The following VCPKMT variants were observed in gnomAD, a reference collection of about 807,000 sequenced individuals.
The protein encoded by VCPKMT is protein N-lysine methyltransferase METTL21D.
Under a neutral mutation model 28.6 loss-of-function variants are expected in VCPKMT, and 32 were observed. The observed-to-expected ratio is 1.12, with a 90% CI of 0.84 to 1.50. The LOEUF is 1.50. Ranked by LOEUF, VCPKMT falls within the 40% of genes most tolerant of loss-of-function variation. VCPKMT has a pLI of 0.00. For missense variants in VCPKMT, 366 were observed against 285.0 expected (o/e 1.28, Z -2.05); for synonymous variants, 138 against 111.4 (o/e 1.24, Z -1.50).
Position 50,116,059 on chromosome 14 carries a change from C to A in VCPKMT, c.377+10G>T. On this transcript the variant is annotated intron_variant, in intron 2 of 5. Transcript: ENST00000395860. The stretch of plus-strand genomic sequence containing the variant: ...CAATATCTTAAAACAAGCTGAAAGG[C>A]CATACAAACCATTTCAGTACCTTGG... 1 of 1,601,808 alleles carries A rather than the reference C, an allele frequency of 6.2e-7. No homozygotes were observed. The highest frequency in any genetic ancestry group is 8.5e-7 in the Non-Finnish European group (1 of 1,171,866).
At position 50,115,895 on chromosome 14, in the gene VCPKMT, C is replaced by A; in HGVS notation, c.394G>T (p.Gly132Cys). The change falls in exon 3 of 6, where the codon GGC (glycine) becomes TGC (cysteine). Residue 132 changes from glycine to cysteine, a missense_variant. Coordinates refer to ENST00000395860, the MANE Select transcript of VCPKMT (RefSeq NM_024558.3). The part of the protein sequence containing the change: ...KVLKWGEEIE[G>C]FPSPPDFILM... ...ATGAAGTCGGGTGGAGAAGGAAAGC[C>A]TTCTATTTCTTCCCCCCTTAAAAAT... 6.2e-7 allele frequency: 1 copy of A among 1,613,314 alleles called. No individual in the cohort carries two copies. The highest frequency in any genetic ancestry group is 1.6e-4 in the Middle Eastern group (1 of 6,062).
Position 50,116,194 on chromosome 14 carries a change from C to T in VCPKMT, c.267-15G>A, listed in dbSNP as rs186877557. 3.1e-6 allele frequency: 5 copies of T among 1,613,756 alleles called. No homozygotes were observed. The highest frequency in any genetic ancestry group is 4.2e-6 in the Non-Finnish European group (5 of 1,179,954). On this transcript the variant is annotated splice_polypyrimidine_tract_variant and intron_variant, in intron 1 of 5. Transcript: ENST00000395860. ...CAACATCAGCCCTATAAAATAACGT[C>T]GACTGAGGTGTAGGCACAGGGGGGA...
Position 50,108,672 on chromosome 14 carries a change from T to C in VCPKMT, c.*1027A>G, listed in dbSNP as rs1274167484. Reference sequence around the variant, plus strand: ...AATGTTTATTTTAACACATAAAATGTACCATCTAGCACCAATGCCTATAAA... The same window carrying C: ...AATGTTTATTTTAACACATAAAATGCACCATCTAGCACCAATGCCTATAAA... On this transcript the variant is annotated 3_prime_UTR_variant, in exon 6 of 6. Transcript: ENST00000395860. The C allele has an allele frequency of 1.0e-6, 1 of 985,770 alleles. No homozygotes were observed. Among genetic ancestry groups the C allele is most frequent in the Non-Finnish European group, 1.2e-6 (1 of 829,952 alleles). 61.1% of individuals were successfully genotyped at this position (985,770 alleles called of 1,614,324 possible). A position where few individuals can be genotyped will look rare whatever the true frequency, so the allele number is the denominator to read the frequency against.
chr14:50,110,674 T>C (rs1372079560), intron 5 of VCPKMT, among the ~76,000 whole-genome samples: 1 of 152,234 alleles, frequency 6.6e-6, no homozygotes, highest in Non-Finnish European at 1.5e-5. Context: ...CCATATAACC[T>C]TGCAGTTCTC....
chr14:50,116,101 G>T lies in VCPKMT; in HGVS notation c.345C>A (p.Val115=). ...KMNINMNKHL[V]TGSVQAKVLK... ...GTACCTTGGCTTGAACAGAACCAGT[G>T]ACAAGATGCTTGTTCATATTAATAT... Residue 115 remains valine (V), a synonymous_variant, in exon 2 of 6, where the codon GTC becomes GTA. Transcript: ENST00000395860. 1.2e-6 allele frequency: 2 copies of T among 1,613,734 alleles called. No homozygotes were observed. Among genetic ancestry groups the T allele is most frequent in the South Asian group, 1.1e-5 (1 of 90,990 alleles).
intron 5 of VCPKMT, 80 bp from the exon 6 acceptor site, chr14:50,109,793 C>T (rs2139429206): frequency 2.0e-6 from 3 of 1,480,500 alleles, no homozygotes; most frequent in Non-Finnish European, 2.7e-6. Flanking sequence ...CCTAATATGC[C>T]TCATAATGCC....
rs61233901 is a variant in VCPKMT at position 50,113,794 on chromosome 14, CGGGGGG to C, written c.570+485_570+490del. Among the ~76,000 whole-genome samples the C allele has an allele frequency of 3.7e-3, 31 of 8,340 alleles. 5 individuals carry two copies. Among genetic ancestry groups the C allele is most frequent in the African/African-American group, 7.8e-3 (27 of 3,450 alleles). The allele number at this position is 8,340 out of a possible 152,430, so 5.5% of individuals were successfully genotyped here. On this transcript the variant is annotated intron_variant, in intron 4 of 5. Coordinates refer to ENST00000395860, the MANE Select transcript of VCPKMT (RefSeq NM_024558.3). Reference sequence around the variant, plus strand: ...GCCTATAGTCCCACTTACTTGGGGGCGGGGGGGGGGGGGGGTGACACTGAGGCAGGA... The same window carrying C: ...GCCTATAGTCCCACTTACTTGGGGGCGGGGGGGGGTGACACTGAGGCAGGA...
intron 5 of VCPKMT, chr14:50,111,032 T>C: frequency 4.6e-6 from 2 of 432,660 alleles, no homozygotes; most frequent in Non-Finnish European, 6.2e-6. Flanking sequence ...AAGAGGCTTC[T>C]CTGGGGGGTG....
rs1882501379 is a variant in VCPKMT at position 50,109,621 on chromosome 14, C to G, written c.*78G>C. 6.6e-7 allele frequency: 1 copy of G among 1,515,452 alleles called. No individual in the cohort carries two copies. The highest frequency in any genetic ancestry group is 2.4e-5 in the East Asian group (1 of 41,182). The allele number at this position is 1,515,452 out of a possible 1,614,324, so 93.9% of individuals were successfully genotyped here. ...AAAAAATCTGTGAACACAATCTTCC[C>G]ATGCTGTATTCACATGCTCTATTCA... is the stretch of plus-strand genomic sequence containing the variant. On this transcript the variant is annotated 3_prime_UTR_variant, in exon 6 of 6. Coordinates refer to ENST00000395860, the MANE Select transcript of VCPKMT (RefSeq NM_024558.3).
At position 50,116,164 on chromosome 14, in the gene VCPKMT, G is replaced by A. The variant is rs139228135; in HGVS notation, c.282C>T (p.Val94=). The stretch of plus-strand genomic sequence containing the variant: ...AGTCTTGCAATTCCTCAAGATCGGT[G>A]ACTACAACATCAGCCCTATAAAATA... ...MAATLGADVV[V]TDLEELQDLL... is the part of the protein sequence containing the mutation. Residue 94 remains valine (V), a synonymous_variant, in exon 2 of 6, where the codon GTC becomes GTT. Transcript: ENST00000395860. The A allele has an allele frequency of 2.7e-4, 432 of 1,614,038 alleles. No individual in the cohort carries two copies. Among genetic ancestry groups the A allele is most frequent in the African/African-American group, 1.9e-3 (141 of 75,034 alleles).
chr14:50,111,211 G>C (rs1161526918), intron 5 of VCPKMT: 2 of 981,022 alleles, frequency 2.0e-6, no homozygotes, highest in Admixed American at 6.3e-5. Flanking sequence ...TCTATATTTA[G>C]GAAACACAAA....
chr14:50,108,768 T>A lies in VCPKMT; in HGVS notation c.*931A>T, dbSNP rs147125062. ...AAAGTCCTTGACAGATTATTGTATA[T>A]GAGCGAATGGCTTCATAACATAAAA... On this transcript the variant is annotated 3_prime_UTR_variant, in exon 6 of 6. Transcript: ENST00000395860. 9.1e-6 allele frequency: 9 copies of A among 985,776 alleles called. No homozygotes were observed. The East Asian group carries it at 9.1e-4, about 99-fold the overall frequency. The allele number at this position is 985,776 out of a possible 1,614,324, so 61.1% of individuals were successfully genotyped here.
At chr14:50,106,641 C>A, downstream of VCPKMT, 1 of 985,374 alleles carries the variant, frequency 1.0e-6, no homozygotes, top group Non-Finnish European at 1.2e-6. Context: ...AAACACAAAT[C>A]CAGCCAGAAA....
chr14:50,112,932 C>T (rs1189467231), intron 4 of VCPKMT, among the ~76,000 whole-genome samples: 1 of 152,110 alleles, frequency 6.6e-6, no homozygotes, highest in Non-Finnish European at 1.5e-5. Context: ...GGATTACAGG[C>T]AAACGACACC....
chr14:50,114,604 G>T (rs1330263416), intron 3 of VCPKMT, among the ~76,000 whole-genome samples, 200 bp from the exon 4 acceptor site: 1 of 152,164 alleles, frequency 6.6e-6, no homozygotes, highest in East Asian at 1.9e-4. Context: ...GGAAGGCAGA[G>T]GTGGAAAGAT....
chr14:50,106,676 G>A (rs1594930484), downstream of VCPKMT: 1 of 978,752 alleles, frequency 1.0e-6, no homozygotes, highest in Non-Finnish European at 1.2e-6. Context: ...TCCCATACTT[G>A]CAAACATCTT....
In VCPKMT at chr14:50,114,280, C is replaced by G. The variant is rs368875144; in HGVS notation, c.570+5G>C. Reference sequence around the variant, plus strand: ...TACAAAGATAATAGAGTACTTAATACTTACCTCAAAATATTTTTTCTCAAT... The same window carrying G: ...TACAAAGATAATAGAGTACTTAATAGTTACCTCAAAATATTTTTTCTCAAT... On this transcript the variant is annotated splice_donor_5th_base_variant and intron_variant, in intron 4 of 5. Transcript: ENST00000395860. 6.6e-5 allele frequency: 104 copies of G among 1,581,560 alleles called. No individual in the cohort carries two copies. Among genetic ancestry groups the G allele is most frequent in the Admixed American group, 4.1e-4 (22 of 53,118 alleles).
At chr14:50,111,740 G>T in intron 5 of VCPKMT, 1 of 649,506 alleles carries the variant, frequency 1.5e-6, no homozygotes, top group Non-Finnish European at 1.9e-6. Context: ...ACAAAAATTA[G>T]CTGGGCATGG....
intron 5 of VCPKMT, among the ~76,000 whole-genome samples, 163 bp downstream of exon 5, chr14:50,112,452 A>G (rs1184858354): frequency 6.6e-6 from 1 of 150,532 alleles, no homozygotes; most frequent in Non-Finnish European, 1.5e-5. Context: ...CCAAGGCAAG[A>G]TAGATTAAAT....
Sources: gnomAD v4.1 joint callset for allele counts (sites outside exome capture counted in the v4.1 genomes callset) on GRCh38, gnomAD v4.1.1 for gene constraint, MANE v1.5 for transcripts, NCBI Gene and HGNC (gene_info 2026-07-23, HGNC 2026-07-21) for gene names.